BRAF: variants seen among roughly 807,000 people sequenced by gnomAD.
BRAF encodes serine/threonine-protein kinase B-raf.
BRAF carries 16 observed loss-of-function variants against 104.6 expected under a neutral mutation model. The observed-to-expected ratio is 0.15, with a 90% CI of 0.10 to 0.23. BRAF has a LOEUF of 0.23. BRAF is among the 10% of genes least tolerant of loss of function. The pLI, the probability that BRAF is intolerant of heterozygous loss-of-function variation, is 1.00. For synonymous variants in BRAF, 310 were observed against 341.6 expected (o/e 0.91, Z 1.02); for missense variants, 541 against 937.3 (o/e 0.58, Z 5.52).
At chr7:140,866,793 T>C (rs1363130049) in intron 1 of BRAF, among the ~76,000 whole-genome samples, 1 of 152,158 alleles carries the variant, frequency 6.6e-6, no homozygotes, top group Non-Finnish European at 1.5e-5. Context: ...ATGGTACTTA[T>C]AAGACTCTCA....
At chr7:140,912,791 G>A (rs1299824509) in intron 1 of BRAF, among the ~76,000 whole-genome samples, 1 of 152,108 alleles carries the variant, frequency 6.6e-6, no homozygotes, top group Admixed American at 6.6e-5. Flanking sequence ...CGGGTGATCT[G>A]CCCGCCTCGG....
chr7:140,730,215 C>A (rs920159299), intron 19 of BRAF, among the ~76,000 whole-genome samples: 2 of 151,748 alleles, frequency 1.3e-5, no homozygotes, highest in Admixed American at 6.6e-5. Context: ...GAAGAGCCAA[C>A]TCTGCTTGTG....
At chr7:140,857,502 AAC>A in intron 1 of BRAF, among the ~76,000 whole-genome samples, 1 of 152,212 alleles carries the variant, frequency 6.6e-6, no homozygotes, top group Admixed American at 6.5e-5. Flanking sequence ...ATAGAAAATG[AAC>A]ACAGATGGAG....
chr7:140,717,516 G>A (rs551901391), downstream of BRAF, among the ~76,000 whole-genome samples: 6 of 152,256 alleles, frequency 3.9e-5, no homozygotes, highest in South Asian at 1.0e-3. Context: ...CCAAAGTGCT[G>A]GGATTTAGGC....
At position 140,806,618 on chromosome 7, in the gene BRAF, G is replaced by A. The variant is rs562714820; in HGVS notation, c.711+1342C>T. 3.3e-5 allele frequency among the ~76,000 whole-genome samples: 5 copies of A among 152,210 alleles called. No homozygotes were observed. The South Asian group carries it at 1.0e-3, about 32-fold the overall frequency. On this transcript the variant is annotated intron_variant, in intron 5 of 19. Transcript: ENST00000644969. ...CTCATATTCAATTTCTAGCTAAGAA[G>A]AATTATTAAGAAACAGAGTAGTAAT...
rs569435547 is a variant in BRAF, at chr7:140,878,519, A to G, written c.139-28307T>C. ...ATAGCTGCAAGTCATGAATTTAATT[A>G]GGATCTATATCCAGAATACATAAAG... On this transcript the variant is annotated intron_variant, in intron 1 of 19. Coordinates refer to ENST00000644969, the MANE Select transcript of BRAF (RefSeq NM_001374258.1). 1.2e-3 allele frequency among the ~76,000 whole-genome samples: 177 copies of G among 152,296 alleles called. 1 individual carries two copies. Among genetic ancestry groups the G allele is most frequent in the Non-Finnish European group, 2.3e-3 (157 of 68,020 alleles).
intron 19 of BRAF, chr7:140,733,953 T>C: frequency 1.0e-6 from 1 of 987,380 alleles, no homozygotes. Flanking sequence ...AGTTAAGACA[T>C]TTTACTCATG....
At chr7:140,812,823 G>A (rs1201119032) in intron 3 of BRAF, among the ~76,000 whole-genome samples, 1 of 152,028 alleles carries the variant, frequency 6.6e-6, no homozygotes, top group Non-Finnish European at 1.5e-5. Context: ...GGGACAACTG[G>A]AACTAATCTA....
chr7:140,869,501 C>T (rs933145214), intron 1 of BRAF, among the ~76,000 whole-genome samples: 2 of 152,018 alleles, frequency 1.3e-5, no homozygotes, highest in Admixed American at 6.5e-5. Context: ...GGCATGGTGG[C>T]GGACACCCGT....
At chr7:140,901,955 AG>A (rs1815693701) in intron 1 of BRAF, among the ~76,000 whole-genome samples, 1 of 152,274 alleles carries the variant, frequency 6.6e-6, no homozygotes, top group Admixed American at 6.5e-5. Context: ...CTCAGCACAA[AG>A]GTGCTAAATA....
intron 14 of BRAF, among the ~76,000 whole-genome samples, chr7:140,763,172 C>A (rs1464088078): frequency 2.8e-4 from 43 of 152,290 alleles, no homozygotes; most frequent in African/African-American, 1.0e-3. Context: ...CCTCACTTCC[C>A]AGTAGGGGCG....
intron 3 of BRAF, among the ~76,000 whole-genome samples, chr7:140,829,501 A>G (rs775569185): frequency 1.1e-4 from 17 of 152,060 alleles, no homozygotes; most frequent in Non-Finnish European, 1.9e-4. Context: ...TTTTTTTCAT[A>G]TTACATTTTC....
chr7:140,916,580 A>C (rs568810397), intron 1 of BRAF, among the ~76,000 whole-genome samples: 3 of 152,356 alleles, frequency 2.0e-5, no homozygotes, highest in Admixed American at 1.3e-4. Flanking sequence ...CATTTTGATT[A>C]CACCTCATAA....
intron 1 of BRAF, among the ~76,000 whole-genome samples, chr7:140,889,057 C>T (rs1035289339): frequency 2.0e-5 from 3 of 152,100 alleles, no homozygotes; most frequent in African/African-American, 7.2e-5. Context: ...TCTGCAAGTT[C>T]TACATCGTAG....
intron 18 of BRAF, among the ~76,000 whole-genome samples, chr7:140,735,484 C>T (rs1030697152): frequency 1.5e-4 from 23 of 152,194 alleles, no homozygotes; most frequent in African/African-American, 5.6e-4. Context: ...TGGCATAATG[C>T]CTGGCCTATA....
intron 7 of BRAF, among the ~76,000 whole-genome samples, chr7:140,796,430 C>G (rs1278345245): frequency 6.6e-6 from 1 of 151,206 alleles, no homozygotes; most frequent in Admixed American, 6.6e-5. Flanking sequence ...AATAATTGAT[C>G]TGGGATAGGC....
intron 1 of BRAF, among the ~76,000 whole-genome samples, chr7:140,887,439 G>T (rs556181794): frequency 6.6e-6 from 1 of 152,266 alleles, no homozygotes; most frequent in African/African-American, 2.4e-5. Flanking sequence ...TAATCTGACC[G>T]CAAATATTTT....
intron 14 of BRAF, among the ~76,000 whole-genome samples, chr7:140,775,712 T>G (rs1174711897): frequency 6.6e-6 from 1 of 152,228 alleles, no homozygotes; most frequent in Non-Finnish European, 1.5e-5. Context: ...ACGTTGAGAT[T>G]GTTTCAAGTC....
At position 140,723,483 on chromosome 7, in the gene BRAF, C is replaced by T; in HGVS notation, c.*3011G>A. 9.5e-7 allele frequency: 1 copy of T among 1,053,410 alleles called. No individual in the cohort carries two copies. The highest frequency in any genetic ancestry group is 5.4e-5 in the East Asian group (1 of 18,596). The allele number at this position is 1,053,410 out of a possible 1,614,324, so 65.3% of individuals were successfully genotyped here. A position where few individuals can be genotyped will look rare whatever the true frequency, so the allele number is the denominator to read the frequency against. Reference sequence around the variant, plus strand: ...ATATTCGGGAACCAGAATTTGACAGCTAGACAGAATCTTCTTTTAAGGTGC... The same window carrying T: ...ATATTCGGGAACCAGAATTTGACAGTTAGACAGAATCTTCTTTTAAGGTGC... On this transcript the variant is annotated 3_prime_UTR_variant, in exon 20 of 20. Coordinates refer to ENST00000644969, the MANE Select transcript of BRAF (RefSeq NM_001374258.1).
Sources: allele counts gnomAD v4.1 joint callset (sites outside exome capture counted in the v4.1 genomes callset), GRCh38; gene constraint gnomAD v4.1.1; transcripts MANE v1.5; gene names NCBI Gene and HGNC (gene_info 2026-07-23, HGNC 2026-07-21).